Variants in SPOCK3 observed in about 807,000 individuals in gnomAD.
SPOCK3 encodes testican-3.
A neutral mutation model predicts 56.6 loss-of-function variants in SPOCK3; 30 were observed. That is an observed-to-expected ratio of 0.53 (90% CI 0.40 to 0.72). SPOCK3 has a LOEUF of 0.72. Among genes scored for constraint, SPOCK3 ranks in the 30% least tolerant of loss-of-function variants. The pLI is 0.00. For missense variants in SPOCK3, 527 were observed against 530.0 expected (o/e 0.99, Z 0.06); for synonymous variants, 196 against 183.3 (o/e 1.07, Z -0.56).
At chr4:167,100,917 C>G (rs1227573342) in intron 2 of SPOCK3, among the ~76,000 whole-genome samples, 1 of 152,000 alleles carries the variant, frequency 6.6e-6, no homozygotes, top group Non-Finnish European at 1.5e-5. Context: ...GGATTTAAAC[C>G]CCAAATGTGT....
At chr4:167,099,044 C>A (rs1370344579) in intron 2 of SPOCK3, among the ~76,000 whole-genome samples, 1 of 151,880 alleles carries the variant, frequency 6.6e-6, no homozygotes, top group Admixed American at 6.6e-5. Flanking sequence ...TCCAGGGCAC[C>A]AAGTACAGTA....
chr4:166,968,469 T>C (rs968231500), intron 4 of SPOCK3, among the ~76,000 whole-genome samples: 1 of 152,134 alleles, frequency 6.6e-6, no homozygotes, highest in African/African-American at 2.4e-5. Flanking sequence ...CAGAGCATGA[T>C]GCCCTACATC....
chr4:167,008,728 T>TAACA (rs1749707791), intron 3 of SPOCK3, among the ~76,000 whole-genome samples: 1 of 147,290 alleles, frequency 6.8e-6, no homozygotes, highest in Non-Finnish European at 1.5e-5. Context: ...CTAAGTGAAG[T>TAACA]AACACAGAAA....
chr4:167,205,893 G>C (rs1459773135), intron 2 of SPOCK3, among the ~76,000 whole-genome samples: 1 of 151,554 alleles, frequency 6.6e-6, no homozygotes, highest in Non-Finnish European at 1.5e-5. Context: ...ACAGGCATAA[G>C]CCACCGCATC....
chr4:166,765,002 C>T (rs1737794123), intron 7 of SPOCK3, among the ~76,000 whole-genome samples: 1 of 152,124 alleles, frequency 6.6e-6, no homozygotes, highest in Non-Finnish European at 1.5e-5. Context: ...TGAGAAGTGT[C>T]TGTTCATATC....
intron 2 of SPOCK3, among the ~76,000 whole-genome samples, chr4:167,119,088 T>C (rs1302423950): frequency 8.8e-6 from 1 of 113,202 alleles, no homozygotes; most frequent in Non-Finnish European, 1.6e-5. Context: ...AGCTGTAATA[T>C]ACAAAAGCTA....
chr4:166,949,881 A>G (rs1328627416), intron 4 of SPOCK3, among the ~76,000 whole-genome samples: 1 of 151,830 alleles, frequency 6.6e-6, no homozygotes, highest in Non-Finnish European at 1.5e-5. Flanking sequence ...AGACAAGCAA[A>G]TGCTGAGCAA....
At chr4:167,221,881 C>G (rs1735953155) in intron 2 of SPOCK3, among the ~76,000 whole-genome samples, 1 of 152,070 alleles carries the variant, frequency 6.6e-6, no homozygotes, top group African/African-American at 2.4e-5. Context: ...GCGTAACCAC[C>G]ACGGAAAACA....
intron 3 of SPOCK3, among the ~76,000 whole-genome samples, chr4:167,002,093 G>A (rs896862940): frequency 6.6e-6 from 1 of 151,824 alleles, no homozygotes; most frequent in African/African-American, 2.4e-5. Context: ...CAAGTTGCTG[G>A]GACTACAGGC....
intron 9 of SPOCK3, among the ~76,000 whole-genome samples, chr4:166,739,648 C>T (rs1734622905): frequency 6.6e-6 from 1 of 151,764 alleles, no homozygotes; most frequent in Non-Finnish European, 1.5e-5. Context: ...TTAATAAGTA[C>T]TCCAACACCA....
At chr4:166,777,407 G>A (rs1380235315) in intron 7 of SPOCK3, among the ~76,000 whole-genome samples, 3 of 152,152 alleles carry the variant, frequency 2.0e-5, no homozygotes, top group Non-Finnish European at 2.9e-5. Context: ...ACCTAGCTGA[G>A]TCACGTACTT....
intron 2 of SPOCK3, among the ~76,000 whole-genome samples, chr4:167,186,838 G>C (rs550030969): frequency 6.6e-6 from 1 of 151,614 alleles, no homozygotes; most frequent in South Asian, 2.1e-4. Context: ...TTAGCTGGGC[G>C]TGGTGGCACA....
intron 2 of SPOCK3, among the ~76,000 whole-genome samples, chr4:167,126,035 C>T (rs1762249176): frequency 6.6e-6 from 1 of 152,222 alleles, no homozygotes; most frequent in African/African-American, 2.4e-5. Flanking sequence ...GTACAAAATA[C>T]ACCTAACCAC....
chr4:167,059,008 G>T (rs2150238529), intron 3 of SPOCK3, among the ~76,000 whole-genome samples: 1 of 152,068 alleles, frequency 6.6e-6, no homozygotes, highest in South Asian at 2.1e-4. Flanking sequence ...ATTCAAGATG[G>T]ATTAAAGACT....
At chr4:166,762,361 T>A (rs1737352638) in intron 7 of SPOCK3, among the ~76,000 whole-genome samples, 1 of 152,086 alleles carries the variant, frequency 6.6e-6, no homozygotes, top group Non-Finnish European at 1.5e-5. Context: ...AATAAAGCAA[T>A]GTTGGTGTGA....
chr4:167,120,185 G>A (rs1761752941), intron 2 of SPOCK3, among the ~76,000 whole-genome samples: 1 of 152,002 alleles, frequency 6.6e-6, no homozygotes, highest in African/African-American at 2.4e-5. Context: ...GGGTTTCTTA[G>A]TTTAGATCCT....
At chr4:166,784,055 A>C (rs1323901822) in intron 7 of SPOCK3, among the ~76,000 whole-genome samples, 1 of 152,006 alleles carries the variant, frequency 6.6e-6, no homozygotes, top group Non-Finnish European at 1.5e-5. Flanking sequence ...ACATGGCTTT[A>C]TTTTGAAATT....
intron 5 of SPOCK3, among the ~76,000 whole-genome samples, chr4:166,904,979 G>A (rs745644242): frequency 2.6e-5 from 4 of 152,026 alleles, no homozygotes; most frequent in Admixed American, 6.6e-5. Flanking sequence ...GGTTAACTGT[G>A]TGTGCGCTTA....
chr4:166,778,175 A>T (rs1276876524), intron 7 of SPOCK3, among the ~76,000 whole-genome samples: 1 of 152,176 alleles, frequency 6.6e-6, no homozygotes, highest in Non-Finnish European at 1.5e-5. Flanking sequence ...AAGCTATCAA[A>T]CATAAATATT....
Sources: allele counts gnomAD v4.1 joint callset (sites outside exome capture counted in the v4.1 genomes callset), GRCh38; gene constraint gnomAD v4.1.1; transcripts MANE v1.5; gene names NCBI Gene and HGNC (gene_info 2026-07-23, HGNC 2026-07-21).